KAT2B: variants seen among roughly 807,000 people sequenced by gnomAD.
KAT2B encodes lysine acetyltransferase 2B.
Under a neutral mutation model 105.9 loss-of-function variants are expected in KAT2B, and 36 were observed. The ratio of observed to expected loss-of-function variants is 0.34; its 90% CI spans 0.26 to 0.45. The LOEUF (loss-of-function observed/expected upper bound fraction) is 0.45. Ranked by LOEUF, KAT2B falls within the 20% of genes least tolerant of loss-of-function variation. The pLI is 1.00. For missense variants in KAT2B, 820 were observed against 1,021.6 expected, an observed-to-expected ratio of 0.80 and a Z score of 2.69; for synonymous variants, 397 against 377.9, an observed-to-expected ratio of 1.05 and a Z score of -0.59.
chr3:20,047,073 GC>G (rs112448267), intron 1 of KAT2B, among the ~76,000 whole-genome samples: 2,271 of 149,912 alleles, frequency 0.015, 65 homozygotes, highest in African/African-American at 0.052. Context: ...TTTTTGTTTT[GC>G]CCCCCCCTTT....
chr3:20,112,015 C>T (rs1173142507), intron 6 of KAT2B, among the ~76,000 whole-genome samples: 1 of 152,204 alleles, frequency 6.6e-6, no homozygotes, highest in Non-Finnish European at 1.5e-5. Context: ...ATCCCCTCCT[C>T]GTCCTACCTG....
intron 9 of KAT2B, among the ~76,000 whole-genome samples, chr3:20,123,420 A>C (rs1028822498): frequency 6.6e-6 from 1 of 152,174 alleles, no homozygotes; most frequent in Non-Finnish European, 1.5e-5. Context: ...AATCTGCTCC[A>C]CTGGCTGTTT....
chr3:20,048,183 T>G (rs1440082010), intron 1 of KAT2B, among the ~76,000 whole-genome samples: 1 of 152,216 alleles, frequency 6.6e-6, no homozygotes, highest in Admixed American at 6.5e-5. Context: ...AAAAAATGTT[T>G]CATTTGGCAG....
intron 1 of KAT2B, among the ~76,000 whole-genome samples, chr3:20,044,082 G>T (rs1575100667): frequency 6.7e-6 from 1 of 149,048 alleles, no homozygotes; most frequent in African/African-American, 2.4e-5. Context: ...AAAAAAAAAA[G>T]AAAAAAGAAA....
chr3:20,046,203 A>G (rs1458550542), intron 1 of KAT2B, among the ~76,000 whole-genome samples: 1 of 152,254 alleles, frequency 6.6e-6, no homozygotes, highest in African/African-American at 2.4e-5. Context: ...CAAAGCATTT[A>G]TGGAGAACCC....
At chr3:20,063,497 G>A (rs1288138333) in intron 1 of KAT2B, among the ~76,000 whole-genome samples, 1 of 146,272 alleles carries the variant, frequency 6.8e-6, no homozygotes, top group African/African-American at 2.5e-5. Flanking sequence ...GAGTGCAGTG[G>A]TGCGATCTCA....
intron 1 of KAT2B, among the ~76,000 whole-genome samples, chr3:20,059,909 C>T (rs1327430240): frequency 2.0e-5 from 3 of 152,126 alleles, no homozygotes; most frequent in Non-Finnish European, 4.4e-5. Flanking sequence ...TACCCCCCAC[C>T]CCAGATGACC....
intron 1 of KAT2B, among the ~76,000 whole-genome samples, chr3:20,041,463 A>C (rs1386366163): frequency 2.0e-5 from 3 of 152,180 alleles, no homozygotes; most frequent in Non-Finnish European, 4.4e-5. Flanking sequence ...GGATTTGGCA[A>C]AGTGACAGCC....
chr3:20,098,416 G>A (rs1423721068), intron 3 of KAT2B, among the ~76,000 whole-genome samples: 1 of 152,108 alleles, frequency 6.6e-6, no homozygotes, highest in Non-Finnish European at 1.5e-5. Flanking sequence ...CTTGTTAGTA[G>A]TAGCACCTAC....
chr3:20,121,755 T>C (rs1372700378), intron 8 of KAT2B, among the ~76,000 whole-genome samples: 1 of 148,984 alleles, frequency 6.7e-6, no homozygotes, highest in Non-Finnish European at 1.5e-5. Flanking sequence ...TGTGTGTGTG[T>C]GTGTGTGTGT....
intron 16 of KAT2B, 46 bp from the exon 17 acceptor site, chr3:20,148,357 A>G: frequency 6.2e-7 from 1 of 1,609,390 alleles, no homozygotes; most frequent in Non-Finnish European, 8.5e-7. Flanking sequence ...ATGATTTCCC[A>G]CATGGAATTT....
intron 1 of KAT2B, among the ~76,000 whole-genome samples, chr3:20,056,503 G>A (rs575943605): frequency 3.3e-5 from 5 of 152,250 alleles, no homozygotes; most frequent in African/African-American, 9.6e-5. Context: ...TAGTAACTTG[G>A]TATAGAATCT....
At chr3:20,065,039 A>T (rs1575112733) in intron 1 of KAT2B, among the ~76,000 whole-genome samples, 1 of 152,124 alleles carries the variant, frequency 6.6e-6, no homozygotes, top group Non-Finnish European at 1.5e-5. Context: ...TTGTTTATCC[A>T]GTTTATCTTC....
intron 3 of KAT2B, among the ~76,000 whole-genome samples, chr3:20,095,636 G>A (rs903161877): frequency 2.0e-5 from 3 of 152,106 alleles, no homozygotes; most frequent in African/African-American, 7.2e-5. Context: ...GAGTATCTTG[G>A]TTTGCATATG....
At chr3:20,111,517 C>G in intron 5 of KAT2B, 79 bp from the exon 6 acceptor site, 1 of 1,164,774 alleles carries the variant, frequency 8.6e-7, no homozygotes, top group Non-Finnish European at 1.2e-6. Context: ...GTTAATAGTA[C>G]GAGATAAACA....
chr3:20,145,455 T>TG (rs1214765004), intron 13 of KAT2B, among the ~76,000 whole-genome samples: 1 of 152,116 alleles, frequency 6.6e-6, no homozygotes, highest in Non-Finnish European at 1.5e-5. Context: ...TAGATTTTTT[T>TG]GTTTTCCTTT....
intron 17 of KAT2B, among the ~76,000 whole-genome samples, chr3:20,151,315 G>T (rs1486753329): frequency 6.6e-6 from 1 of 152,116 alleles, no homozygotes; most frequent in African/African-American, 2.4e-5. Context: ...CTTCCCATTT[G>T]GGGATATTGT....
rs948601108 is a variant in KAT2B at position 20,122,557 on chromosome 3, G to A, written c.1277-111G>A. The A allele has an allele frequency of 9.1e-6, 7 of 768,072 alleles. No homozygotes were observed. The African/African-American group carries it at 1.2e-4, about 13-fold the overall frequency. The allele number at this position is 768,072 out of a possible 1,614,324, so 47.6% of individuals were successfully genotyped here. On this transcript the variant is annotated intron_variant, in intron 8 of 17. Transcript: ENST00000263754. ...TGTCACCCCTTCCCCTGGTGGTAAA[G>A]ATAGAGTTGACCTCCATGCCCATCA...
At chr3:20,075,522 C>G (rs1426053718) in intron 2 of KAT2B, among the ~76,000 whole-genome samples, 1 of 152,144 alleles carries the variant, frequency 6.6e-6, no homozygotes, top group Non-Finnish European at 1.5e-5. Flanking sequence ...TTGCAAGTCC[C>G]AGGTTATGAC....
Sources: allele counts gnomAD v4.1 joint callset (sites outside exome capture counted in the v4.1 genomes callset), GRCh38; gene constraint gnomAD v4.1.1; transcripts MANE v1.5; gene names NCBI Gene and HGNC (gene_info 2026-07-23, HGNC 2026-07-21).